The following HGSNAT variants were observed in gnomAD, a reference collection of about 807,000 sequenced individuals.
HGSNAT encodes transmembrane protein 76.
HGSNAT carries 59 observed loss-of-function variants against 85.2 expected under a neutral mutation model. The ratio of observed to expected loss-of-function variants is 0.69; its 90% CI spans 0.56 to 0.86. The LOEUF (loss-of-function observed/expected upper bound fraction) is 0.86, where lower values mean the gene tolerates loss of function less well. Among genes scored for constraint, HGSNAT ranks in the 40% least tolerant of loss-of-function variants. The probability of loss-of-function intolerance (pLI) is 0.00; values close to 1 mark genes in which losing one functional copy is unlikely to be tolerated. For synonymous variants in HGSNAT, 321 were observed against 304.5 expected, an observed-to-expected ratio of 1.05 and a Z score of -0.56; for missense variants, 756 against 777.1, an observed-to-expected ratio of 0.97 and a Z score of 0.32.
intron 13 of HGSNAT, among the ~76,000 whole-genome samples, chr8:43,193,067 T>C (rs1804595974): frequency 1.3e-5 from 2 of 152,000 alleles, no homozygotes; most frequent in South Asian, 4.1e-4. Context: ...GTTTGGGCCC[T>C]TCCTACCCCT....
At chr8:43,148,946 A>G (rs1165576079) in intron 2 of HGSNAT, among the ~76,000 whole-genome samples, 2 of 150,362 alleles carry the variant, frequency 1.3e-5, no homozygotes, top group African/African-American at 4.9e-5. Flanking sequence ...TGAAACCCCG[A>G]CTCTACTAAA....
chr8:43,190,911 C>T (rs1341082667), intron 11 of HGSNAT, among the ~76,000 whole-genome samples: 1 of 152,176 alleles, frequency 6.6e-6, no homozygotes, highest in Non-Finnish European at 1.5e-5. Flanking sequence ...TCACTCCCCA[C>T]ATCACAACTC....
chr8:43,188,400 A>T (rs2130797893), intron 11 of HGSNAT, among the ~76,000 whole-genome samples: 1 of 152,130 alleles, frequency 6.6e-6, no homozygotes, highest in East Asian at 1.9e-4. Flanking sequence ...TTTGATCTTC[A>T]ATCACTGATA....
intron 2 of HGSNAT, 128 bp downstream of exon 2, chr8:43,147,191 A>G: frequency 1.7e-6 from 1 of 594,528 alleles, no homozygotes; most frequent in Non-Finnish European, 2.9e-6. Flanking sequence ...AAGAAGCTAT[A>G]TAAAGAGTCG....
intron 2 of HGSNAT, among the ~76,000 whole-genome samples, chr8:43,155,317 A>G (rs1653822327): frequency 6.6e-6 from 1 of 151,978 alleles, no homozygotes; most frequent in Admixed American, 6.6e-5. Context: ...TTTGATTTAC[A>G]TTTCCCTGAT....
intron 4 of HGSNAT, among the ~76,000 whole-genome samples, chr8:43,160,538 ATAGTTT>A (rs144598930): frequency 0.024 from 3,640 of 152,310 alleles, 137 homozygotes; most frequent in African/African-American, 0.082. Flanking sequence ...TAGTTTTGAA[ATAGTTT>A]TAGATTTGTA....
chr8:43,151,972 G>C (rs1235227132), intron 2 of HGSNAT, among the ~76,000 whole-genome samples: 1 of 152,182 alleles, frequency 6.6e-6, no homozygotes, highest in African/African-American at 2.4e-5. Context: ...TAGCTTTGGA[G>C]GTTGGTATTT....
intron 1 of HGSNAT, among the ~76,000 whole-genome samples, chr8:43,141,049 T>G (rs940921710): frequency 2.6e-5 from 4 of 152,170 alleles, no homozygotes; most frequent in South Asian, 2.1e-4. Flanking sequence ...GCAGGGTCCC[T>G]TCCCTGAGGG....
At chr8:43,170,155 G>C (rs1803567897) in intron 6 of HGSNAT, among the ~76,000 whole-genome samples, 1 of 152,134 alleles carries the variant, frequency 6.6e-6, no homozygotes, top group African/African-American at 2.4e-5. Context: ...ACTATTTTTA[G>C]ATTTCTACTA....
chr8:43,140,465 G>A lies in HGSNAT; in HGVS notation c.-32G>A, dbSNP rs938459078. 3 of 911,890 alleles carry A rather than the reference G, an allele frequency of 3.3e-6. No homozygotes were observed. Among genetic ancestry groups the A allele is most frequent in the Non-Finnish European group, 2.6e-6 (2 of 762,220 alleles). 56.5% of individuals were successfully genotyped at this position (911,890 alleles called of 1,614,324 possible). On this transcript the variant is annotated 5_prime_UTR_variant, in exon 1 of 18. Coordinates refer to ENST00000379644, the MANE Select transcript of HGSNAT (RefSeq NM_152419.3). ...GAGCAGCGCAGGGCGGGGCGCAGCG[G>A]GCAGGCAAGGGCGGCCGAGCGGGCG... is the stretch of plus-strand genomic sequence containing the variant.
intron 5 of HGSNAT, among the ~76,000 whole-genome samples, chr8:43,162,758 C>T (rs957269544): frequency 4.6e-5 from 7 of 151,020 alleles, no homozygotes; most frequent in Non-Finnish European, 1.0e-4. Context: ...TTAGTGGAGA[C>T]GGGGTCTTGA....
At chr8:43,194,186 C>A in intron 14 of HGSNAT, 1 of 836,742 alleles carries the variant, frequency 1.2e-6, no homozygotes, top group Non-Finnish European at 1.5e-6. Context: ...TTGCTTGAGT[C>A]CGGGAGTTTG....
intron 1 of HGSNAT, among the ~76,000 whole-genome samples, chr8:43,143,370 G>T (rs1802609320): frequency 6.6e-6 from 1 of 152,174 alleles, no homozygotes; most frequent in South Asian, 2.1e-4. Context: ...TGGGCTTATA[G>T]GGAGGGATCT....
chr8:43,146,929 T>A lies in HGSNAT; in HGVS notation c.119-19T>A. 7.1e-7 allele frequency: 1 copy of A among 1,414,808 alleles called. No homozygotes were observed. The highest frequency in any genetic ancestry group is 9.7e-7 in the Non-Finnish European group (1 of 1,032,682). The allele number at this position is 1,414,808 out of a possible 1,614,324, so 87.6% of individuals were successfully genotyped here. ...GGTGCCTTTTTTTTTTTTTTTTAAC[T>A]TTTCCTAATTTCTACCAGACTTAGA... On this transcript the variant is annotated intron_variant, in intron 1 of 17. Transcript: ENST00000379644.
intron 9 of HGSNAT, chr8:43,174,330 G>A (rs1050212571): frequency 3.3e-5 from 5 of 152,188 alleles, no homozygotes; most frequent in African/African-American, 1.2e-4. Flanking sequence ...TGAACATGTA[G>A]TTCAGTTCCA....
At chr8:43,181,960 C>G (rs1197372898) in intron 10 of HGSNAT, 185 bp from the exon 11 acceptor site, 10 of 609,746 alleles carry the variant, frequency 1.6e-5, no homozygotes, top group Admixed American at 2.9e-5. Flanking sequence ...AGGGATTGGC[C>G]TGTTTTTGGA....
intron 2 of HGSNAT, among the ~76,000 whole-genome samples, chr8:43,149,343 C>T (rs1430274293): frequency 6.6e-6 from 1 of 151,996 alleles, no homozygotes; most frequent in Non-Finnish European, 1.5e-5. Flanking sequence ...ACTCTTTTAA[C>T]TAGAGACTGA....
intron 5 of HGSNAT, among the ~76,000 whole-genome samples, chr8:43,168,384 C>CTTTTTTTTTTTTTTTTTTTTTTTT (rs34270087): frequency 1.4e-5 from 1 of 70,224 alleles, no homozygotes; most frequent in Non-Finnish European, 2.3e-5. Context: ...AATAGTTGAT[C>CTTTTTTTTTTTTTTTTTTTTTTTT]TTTTTTTTTT....
chr8:43,158,945 T>G lies in HGSNAT; in HGVS notation c.394T>G (p.Phe132Val). ...TAGGTTGGAATACAGATTTGGAGAA[T>G]TTGGAAACTATTCTCTCTTGGTAAA... ...VCRLEYRFGEFGNYSLLVKNI... is the reference protein window; with the variant it reads ...VCRLEYRFGEVGNYSLLVKNI... Residue 132 changes from phenylalanine (F) to valine (V), a missense_variant, in exon 4 of 18, where the codon TTT becomes GTT. By Grantham distance (50) the Phe-to-Val change is conservative. Transcript: ENST00000379644. The G allele has an allele frequency of 6.2e-7, 1 of 1,611,418 alleles. No individual in the cohort carries two copies. The highest frequency in any genetic ancestry group is 8.5e-7 in the Non-Finnish European group (1 of 1,178,290).
Sources: gnomAD v4.1 joint callset for allele counts (sites outside exome capture counted in the v4.1 genomes callset) on GRCh38, gnomAD v4.1.1 for gene constraint, MANE v1.5 for transcripts, NCBI Gene and HGNC (gene_info 2026-07-23, HGNC 2026-07-21) for gene names.